BMPR1A: variants seen among roughly 807,000 people sequenced by gnomAD.
BMPR1A encodes the protein bone morphogenetic protein receptor type 1A.
A neutral mutation model predicts 66.0 loss-of-function variants in BMPR1A; 7 were observed. The ratio of observed to expected loss-of-function variants is 0.11; its 90% confidence interval spans 0.06 to 0.20. The LOEUF (loss-of-function observed/expected upper bound fraction) is 0.20, where lower values mean the gene tolerates loss of function less well. Ranked by LOEUF, BMPR1A falls within the 10% of genes least tolerant of loss-of-function variation. The pLI is 1.00. For missense variants in BMPR1A, 408 were observed against 669.1 expected, an observed-to-expected ratio of 0.61 and a Z score of 4.31; for synonymous variants, 200 against 229.7, an observed-to-expected ratio of 0.87 and a Z score of 1.17.
At chr10:86,861,167 A>G (rs1028681777) in intron 2 of BMPR1A, among the ~76,000 whole-genome samples, 3 of 152,116 alleles carry the variant, frequency 2.0e-5, no homozygotes, top group Admixed American at 2.0e-4. Context: ...ACCCTAAACC[A>G]GTACATTTCA....
At chr10:86,845,660 A>G (rs763048032) in intron 2 of BMPR1A, among the ~76,000 whole-genome samples, 2 of 151,836 alleles carry the variant, frequency 1.3e-5, no homozygotes, top group Non-Finnish European at 2.9e-5. Context: ...CATTAGATCT[A>G]CTCTGTCACT....
At chr10:86,862,598 G>C (rs550668650) in intron 2 of BMPR1A, among the ~76,000 whole-genome samples, 1 of 152,174 alleles carries the variant, frequency 6.6e-6, no homozygotes, top group Non-Finnish European at 1.5e-5. Context: ...AGCAATCCAG[G>C]CAAAGGGGTT....
chr10:86,901,417 T>G (rs1211276625), intron 7 of BMPR1A, among the ~76,000 whole-genome samples: 1 of 152,256 alleles, frequency 6.6e-6, no homozygotes, highest in African/African-American at 2.4e-5. Context: ...TTGGTGTTAT[T>G]GTCACCCTCA....
In BMPR1A at chr10:86,805,611, G is replaced by A. The variant is rs375499668; in HGVS notation, c.-267-33254G>A. On this transcript the variant is annotated intron_variant, in intron 1 of 12. Transcript: ENST00000372037. ...CGAGTAGCTAGGACTACAGGCGCGTGCCACCACGCTGGGCTAATTTTTTGT... is the reference window on the plus strand; with the variant it reads ...CGAGTAGCTAGGACTACAGGCGCGTACCACCACGCTGGGCTAATTTTTTGT... 2.5e-3 allele frequency among the ~76,000 whole-genome samples: 379 copies of A among 152,106 alleles called. 1 individual carries two copies. Among genetic ancestry groups the A allele is most frequent in the Non-Finnish European group, 4.7e-3 (318 of 67,954 alleles).
intron 1 of BMPR1A, among the ~76,000 whole-genome samples, chr10:86,758,473 A>G (rs1044897891): frequency 6.9e-6 from 1 of 144,916 alleles, no homozygotes; most frequent in East Asian, 2.0e-4. Flanking sequence ...TCTCTGTCGT[A>G]TTTGGGTTCT....
intron 7 of BMPR1A, among the ~76,000 whole-genome samples, chr10:86,907,247 T>C (rs567342181): frequency 6.6e-6 from 1 of 152,372 alleles, no homozygotes; most frequent in Admixed American, 6.5e-5. Flanking sequence ...ATTTGGATGT[T>C]GTACATCATG....
chr10:86,820,688 C>G (rs1016183010), intron 1 of BMPR1A, among the ~76,000 whole-genome samples: 1 of 152,166 alleles, frequency 6.6e-6, no homozygotes, highest in African/African-American at 2.4e-5. Context: ...TTGCCCTCCC[C>G]CCGGACTTCT....
intron 1 of BMPR1A, among the ~76,000 whole-genome samples, chr10:86,773,792 C>G (rs959685396): frequency 2.6e-5 from 4 of 151,096 alleles, no homozygotes; most frequent in Non-Finnish European, 5.9e-5. Flanking sequence ...CTTAAATAGA[C>G]TAAGCATATA....
At chr10:86,857,769 A>C (rs1440238271) in intron 2 of BMPR1A, among the ~76,000 whole-genome samples, 2 of 150,518 alleles carry the variant, frequency 1.3e-5, no homozygotes, top group Admixed American at 6.6e-5. Flanking sequence ...AAAAAAAAAC[A>C]AGGAGAAAGC....
intron 2 of BMPR1A, among the ~76,000 whole-genome samples, chr10:86,839,828 A>AT (rs1842400901): frequency 6.6e-6 from 1 of 151,868 alleles, no homozygotes; most frequent in South Asian, 2.1e-4. Flanking sequence ...CAGCTAATTT[A>AT]TTTTTTGTAG....
intron 7 of BMPR1A, among the ~76,000 whole-genome samples, chr10:86,909,437 C>A (rs1459648126): frequency 1.3e-5 from 2 of 151,752 alleles, no homozygotes; most frequent in Non-Finnish European, 2.9e-5. Flanking sequence ...ACTAAAAATA[C>A]AAAAATTAGC....
At chr10:86,850,885 G>T (rs1219248004) in intron 2 of BMPR1A, among the ~76,000 whole-genome samples, 1 of 152,094 alleles carries the variant, frequency 6.6e-6, no homozygotes, top group Non-Finnish European at 1.5e-5. Flanking sequence ...CATAAAGTAG[G>T]TGCATTGTTC....
intron 3 of BMPR1A, among the ~76,000 whole-genome samples, 191 bp downstream of exon 3, chr10:86,876,276 ATT>A (rs1275283155): frequency 1.3e-5 from 2 of 152,226 alleles, no homozygotes; most frequent in Non-Finnish European, 2.9e-5. Flanking sequence ...ATTTTCAAGT[ATT>A]TTTGAAATCT....
intron 1 of BMPR1A, among the ~76,000 whole-genome samples, chr10:86,790,192 T>A (rs1289967633): frequency 0.2 from 1,691 of 8,334 alleles, 230 homozygotes; most frequent in East Asian, 0.33. Context: ...AAAAAAAATA[T>A]ATATATATAT....
intron 2 of BMPR1A, among the ~76,000 whole-genome samples, chr10:86,857,766 AAC>A: frequency 6.6e-6 from 1 of 151,842 alleles, no homozygotes; most frequent in Middle Eastern, 3.5e-3. Context: ...AAAAAAAAAA[AAC>A]AAGGAGAAAG....
At chr10:86,766,781 T>G (rs1034082554) in intron 1 of BMPR1A, among the ~76,000 whole-genome samples, 2 of 151,972 alleles carry the variant, frequency 1.3e-5, no homozygotes, top group African/African-American at 2.4e-5. Context: ...AATTTTTTTT[T>G]GTATTTTTAG....
intron 9 of BMPR1A, 47 bp from the exon 10 acceptor site, chr10:86,919,125 G>C: frequency 6.2e-7 from 1 of 1,605,556 alleles, no homozygotes; most frequent in Non-Finnish European, 8.5e-7. Flanking sequence ...CTTCTCCCTA[G>C]CCTATCTCTG....
At chr10:86,818,330 A>G (rs113917983) in intron 1 of BMPR1A, among the ~76,000 whole-genome samples, 6,457 of 152,254 alleles carry the variant, frequency 0.042, 229 homozygotes, top group Non-Finnish European at 0.067. Context: ...TAATAATTTT[A>G]GGGAGCAGAT....
chr10:86,820,221 T>G (rs1842101470), intron 1 of BMPR1A, among the ~76,000 whole-genome samples: 1 of 152,112 alleles, frequency 6.6e-6, no homozygotes. Flanking sequence ...TAAAAATTTT[T>G]GGGTAGAGAT....
Sources: gnomAD v4.1 joint callset for allele counts (sites outside exome capture counted in the v4.1 genomes callset) on GRCh38, gnomAD v4.1.1 for gene constraint, MANE v1.5 for transcripts, NCBI Gene and HGNC (gene_info 2026-07-23, HGNC 2026-07-21) for gene names.